The following ADGRB3 variants were observed in gnomAD, a reference collection of about 807,000 sequenced individuals.
The protein encoded by ADGRB3 is brain-specific angiogenesis inhibitor 3.
A neutral mutation model predicts 193.4 loss-of-function variants in ADGRB3; 37 were observed. The ratio of observed to expected loss-of-function variants is 0.19; its 90% confidence interval spans 0.15 to 0.25. The LOEUF (loss-of-function observed/expected upper bound fraction) is 0.25, where lower values mean the gene tolerates loss of function less well. ADGRB3 is among the 10% of genes least tolerant of loss of function. The probability of loss-of-function intolerance (pLI) is 1.00; values close to 1 mark genes in which losing one functional copy is unlikely to be tolerated. For synonymous variants in ADGRB3, 690 were observed against 644.2 expected (o/e 1.07, Z -1.08); for missense variants, 1,637 against 1,852.9 (o/e 0.88, Z 2.14).
chr6:68,956,285 T>C, intron 7 of ADGRB3, 97 bp downstream of exon 7: 1 of 1,234,790 alleles, frequency 8.1e-7, no homozygotes, highest in Non-Finnish European at 1.1e-6. Context: ...TGAAAGAAGA[T>C]AATCATTATA....
chr6:69,286,368 C>G (rs999589602), intron 20 of ADGRB3, among the ~76,000 whole-genome samples: 2 of 152,140 alleles, frequency 1.3e-5, no homozygotes, highest in Admixed American at 6.5e-5. Flanking sequence ...CTTTCTCCCC[C>G]CTTAATCCTG....
chr6:69,377,233 G>A (rs1263139459), intron 30 of ADGRB3, among the ~76,000 whole-genome samples: 1 of 152,058 alleles, frequency 6.6e-6, no homozygotes. Flanking sequence ...GTAGCCCAGA[G>A]TATGGTGCTT....
chr6:68,786,439 G>T (rs1196208435), intron 3 of ADGRB3, among the ~76,000 whole-genome samples: 1 of 152,076 alleles, frequency 6.6e-6, no homozygotes, highest in Non-Finnish European at 1.5e-5. Context: ...GTTTTTGTCA[G>T]GTTTGTCAAA....
intron 30 of ADGRB3, among the ~76,000 whole-genome samples, chr6:69,373,521 T>C (rs1424229750): frequency 6.6e-6 from 1 of 152,074 alleles, no homozygotes; most frequent in East Asian, 1.9e-4. Flanking sequence ...ATAGCAAATT[T>C]TAATACTGAT....
intron 3 of ADGRB3, among the ~76,000 whole-genome samples, chr6:68,899,698 T>C (rs995814247): frequency 6.6e-6 from 1 of 152,060 alleles, no homozygotes; most frequent in African/African-American, 2.4e-5. Flanking sequence ...GCCATTCTTA[T>C]ATAGTTGTTA....
intron 3 of ADGRB3, among the ~76,000 whole-genome samples, chr6:68,770,806 G>C (rs1379898722): frequency 1.3e-5 from 2 of 152,096 alleles, no homozygotes; most frequent in Non-Finnish European, 2.9e-5. Flanking sequence ...ACAGATAGTG[G>C]CTTCATGAGG....
At chr6:69,265,596 G>C (rs977586745) in intron 20 of ADGRB3, among the ~76,000 whole-genome samples, 6 of 151,862 alleles carry the variant, frequency 4.0e-5, no homozygotes, top group South Asian at 4.1e-4. Flanking sequence ...ACCAAATTAC[G>C]TGTTCCAAAA....
At chr6:69,237,604 T>C (rs966298814) in intron 19 of ADGRB3, among the ~76,000 whole-genome samples, 1 of 152,030 alleles carries the variant, frequency 6.6e-6, no homozygotes, top group Non-Finnish European at 1.5e-5. Flanking sequence ...TTGATAAAAA[T>C]AGAAACATAT....
At chr6:68,776,163 G>C (rs554132576) in intron 3 of ADGRB3, among the ~76,000 whole-genome samples, 1 of 152,170 alleles carries the variant, frequency 6.6e-6, no homozygotes, top group African/African-American at 2.4e-5. Flanking sequence ...CCATTTCACT[G>C]CTTAATAGCA....
chr6:68,733,399 A>C (rs948396980), intron 3 of ADGRB3, among the ~76,000 whole-genome samples: 8 of 151,720 alleles, frequency 5.3e-5, no homozygotes, highest in Non-Finnish European at 1.2e-4. Context: ...AAAGTAAATA[A>C]AACACTGCAT....
chr6:68,888,251 A>T (rs1237217234), intron 3 of ADGRB3, among the ~76,000 whole-genome samples: 2 of 152,174 alleles, frequency 1.3e-5, no homozygotes, highest in Admixed American at 1.3e-4. Context: ...TGTCTACAGA[A>T]GATCCATGAC....
intron 17 of ADGRB3, among the ~76,000 whole-genome samples, chr6:69,167,832 T>C (rs1232205466): frequency 2.0e-5 from 3 of 152,098 alleles, no homozygotes; most frequent in Non-Finnish European, 1.5e-5. Flanking sequence ...CACAGAGCCC[T>C]TAGTTGCTAG....
intron 20 of ADGRB3, among the ~76,000 whole-genome samples, chr6:69,294,766 TTTG>T (rs749536800): frequency 2.1e-4 from 32 of 152,286 alleles, no homozygotes; most frequent in African/African-American, 2.2e-4. Context: ...AGTTGTTTTT[TTTG>T]TTGTTGTTGT....
At chr6:69,245,133 T>A (rs973051123) in intron 20 of ADGRB3, among the ~76,000 whole-genome samples, 2 of 151,968 alleles carry the variant, frequency 1.3e-5, no homozygotes, top group African/African-American at 4.8e-5. Context: ...ATGGAGTAAA[T>A]CTAATAAATC....
At chr6:69,218,009 T>A (rs962875734) in intron 17 of ADGRB3, among the ~76,000 whole-genome samples, 10 of 151,408 alleles carry the variant, frequency 6.6e-5, no homozygotes, top group African/African-American at 2.4e-4. Context: ...GATATACATA[T>A]TTTTGCATAT....
chr6:69,122,994 G>A (rs1006440484), intron 17 of ADGRB3, among the ~76,000 whole-genome samples: 20 of 23,524 alleles, frequency 8.5e-4, no homozygotes, highest in Non-Finnish European at 1.8e-3. Context: ...ATACACATAC[G>A]TGTGAGTGTG....
chr6:68,948,957 A>G (rs1010698789), intron 6 of ADGRB3, among the ~76,000 whole-genome samples: 2 of 152,100 alleles, frequency 1.3e-5, no homozygotes, highest in African/African-American at 2.4e-5. Context: ...TGGGCAATTT[A>G]TATACTCTAT....
At chr6:68,896,991 G>C (rs1042348802) in intron 3 of ADGRB3, among the ~76,000 whole-genome samples, 3 of 151,996 alleles carry the variant, frequency 2.0e-5, no homozygotes, top group African/African-American at 7.2e-5. Context: ...CTCCTCTGGG[G>C]GTTACAAGAT....
intron 17 of ADGRB3, among the ~76,000 whole-genome samples, chr6:69,084,820 A>T (rs914482704): frequency 6.6e-6 from 1 of 152,156 alleles, no homozygotes; most frequent in East Asian, 1.9e-4. Context: ...GAGGTGAATG[A>T]TAAGAATCAA....
Sources: gnomAD v4.1 joint callset for allele counts (sites outside exome capture counted in the v4.1 genomes callset) on GRCh38, gnomAD v4.1.1 for gene constraint, MANE v1.5 for transcripts, NCBI Gene and HGNC (gene_info 2026-07-23, HGNC 2026-07-21) for gene names.